Variants in DYNC2H1 observed in about 807,000 individuals in gnomAD.
DYNC2H1 encodes the protein dynein cytoplasmic 2 heavy chain 1.
A neutral mutation model predicts 570.0 loss-of-function variants in DYNC2H1; 410 were observed. That is an observed-to-expected ratio of 0.72 (90% CI 0.66 to 0.78). DYNC2H1 has a LOEUF of 0.78. Ranked by LOEUF, DYNC2H1 falls within the 30% of genes least tolerant of loss-of-function variation. DYNC2H1 has a pLI of 0.00. For missense variants in DYNC2H1, 4,865 were observed against 5,046.4 expected (o/e 0.96, Z 1.09); for synonymous variants, 1,688 against 1,677.6 (o/e 1.01, Z -0.15).
At chr11:103,306,828 A>G (rs1194703219) in intron 77 of DYNC2H1, among the ~76,000 whole-genome samples, 2 of 152,168 alleles carry the variant, frequency 1.3e-5, no homozygotes, top group Non-Finnish European at 2.9e-5. Flanking sequence ...CTTGCTGAGT[A>G]CAAGAAAAAG....
rs1055440108 is a variant in DYNC2H1 at position 103,163,906 on chromosome 11, A to G, written c.4611+759A>G. Among the ~76,000 whole-genome samples the G allele has an allele frequency of 1.2e-4, 19 of 152,146 alleles. No individual in the cohort carries two copies. The highest frequency in any genetic ancestry group is 4.6e-4 in the African/African-American group (19 of 41,434). On this transcript the variant is annotated intron_variant, in intron 30 of 88. Transcript: ENST00000375735. This position sits in a 1 kb window ranked among gnomAD's most constrained non-coding sequence, Gnocchi z 4.6. ...GTAGTGGCTATTGGAACAGGTTTTTATGTTGATTTTCTGTAAGTATGGAAG... is the reference window on the plus strand; with the variant it reads ...GTAGTGGCTATTGGAACAGGTTTTTGTGTTGATTTTCTGTAAGTATGGAAG...
At chr11:103,215,615 A>G (rs1173416707) in intron 54 of DYNC2H1, 106 bp from the exon 55 acceptor site, 8 of 1,150,002 alleles carry the variant, frequency 7.0e-6, no homozygotes, top group Non-Finnish European at 9.3e-6. Context: ...TGTTTTGTAT[A>G]TACACACTTA....
At chr11:103,194,367 C>A (rs1404788502) in intron 47 of DYNC2H1, among the ~76,000 whole-genome samples, 2 of 152,074 alleles carry the variant, frequency 1.3e-5, no homozygotes, top group Non-Finnish European at 2.9e-5. Flanking sequence ...AGGAATGAAG[C>A]TGCTATGAAT....
chr11:103,333,535 G>A (rs1938939365), intron 82 of DYNC2H1, among the ~76,000 whole-genome samples: 1 of 152,088 alleles, frequency 6.6e-6, no homozygotes, highest in Admixed American at 6.6e-5. Context: ...ATGTGTTTTT[G>A]AAAAGGAGGC....
rs935717806 is a variant in DYNC2H1, at chr11:103,244,792, CTATA to C, written c.9919-454_9919-451del. On this transcript the variant is annotated intron_variant, in intron 64 of 88. Transcript: ENST00000375735. The surrounding 1 kb of genome is among the most constrained non-coding windows in gnomAD (Gnocchi z 4.3). ...AGTTATATACATATAAGTACTATAT[CTATA>C]TATAGTCATAGTTATAGACATATAA... Among the ~76,000 whole-genome samples, 16 of 142,150 alleles carry C rather than the reference CTATA, an allele frequency of 1.1e-4. No homozygotes were observed. The highest frequency in any genetic ancestry group is 3.2e-4 in the African/African-American group (11 of 34,602). The allele number at this position is 142,150 out of a possible 152,430, so 93.3% of individuals were successfully genotyped here.
intron 84 of DYNC2H1, among the ~76,000 whole-genome samples, chr11:103,419,179 G>A (rs186396798): frequency 2.6e-5 from 4 of 152,286 alleles, no homozygotes; most frequent in Admixed American, 1.3e-4. Flanking sequence ...CCGTCTCTGC[G>A]ATTTGGTAGA....
At chr11:103,379,357 T>G (rs1941542850) in intron 83 of DYNC2H1, among the ~76,000 whole-genome samples, 2 of 152,228 alleles carry the variant, frequency 1.3e-5, no homozygotes, top group African/African-American at 4.8e-5. Context: ...ATTTTGAGTA[T>G]AAACCAGGGT....
At chr11:103,122,785 A>T in intron 10 of DYNC2H1, 40 bp from the exon 11 acceptor site, 1 of 1,562,980 alleles carries the variant, frequency 6.4e-7, no homozygotes, top group Non-Finnish European at 8.7e-7. Flanking sequence ...ATTTTTTTGG[A>T]ATTTAAATAA....
chr11:103,134,357 C>CA lies in DYNC2H1; in HGVS notation c.2145dup (p.Gln716ThrfsTer26). ...TATGAATATTGATCTGCTTCGGCAG[C>CA]AACAGCGCTGGAAAGATGGATTACA... is the stretch of plus-strand genomic sequence containing the variant. On this transcript the variant is annotated frameshift_variant, in exon 15 of 89. Coordinates refer to ENST00000375735, the MANE Select transcript of DYNC2H1 (RefSeq NM_001377.3). LOFTEE classifies it high-confidence loss of function. 6.2e-7 allele frequency: 1 copy of CA among 1,612,584 alleles called. No homozygotes were observed. Among genetic ancestry groups the CA allele is most frequent in the Non-Finnish European group, 8.5e-7 (1 of 1,179,008 alleles).
intron 32 of DYNC2H1, among the ~76,000 whole-genome samples, chr11:103,169,190 A>G (rs1861464890): frequency 6.6e-6 from 1 of 152,164 alleles, no homozygotes; most frequent in Admixed American, 6.5e-5. Flanking sequence ...GAATTCTCAA[A>G]AATGTACCTT....
At position 103,465,433 on chromosome 11, in the gene DYNC2H1, A is replaced by G. The variant is rs942843586; in HGVS notation, c.12649-3156A>G. On this transcript the variant is annotated intron_variant, in intron 87 of 88. Transcript: ENST00000375735. This position sits in a 1 kb window ranked among gnomAD's most constrained non-coding sequence, Gnocchi z 4.9. ...AATTTTAAAATTTAATGCAATTTCA[A>G]CCAGTATCCCAAAGTGTGTTTTGTT... Among the ~76,000 whole-genome samples the G allele has an allele frequency of 6.6e-6, 1 of 151,514 alleles. No homozygotes were observed. Among genetic ancestry groups the G allele is most frequent in the Non-Finnish European group, 1.5e-5 (1 of 67,924 alleles).
At chr11:103,238,088 G>T (rs1056282112) in intron 63 of DYNC2H1, among the ~76,000 whole-genome samples, 15 of 152,106 alleles carry the variant, frequency 9.9e-5, no homozygotes, top group African/African-American at 3.4e-4. Flanking sequence ...AGGTGTACTA[G>T]ATTTAAAATT....
intron 32 of DYNC2H1, among the ~76,000 whole-genome samples, chr11:103,169,746 A>G (rs1467782620): frequency 6.6e-6 from 1 of 152,208 alleles, no homozygotes; most frequent in Non-Finnish European, 1.5e-5. Context: ...ATATCATAAG[A>G]GTCAAGGAAA....
Position 103,241,839 on chromosome 11 carries a change from A to G in DYNC2H1, c.9820-1854A>G, listed in dbSNP as rs927233502. ...GTCTACTGTGGGTGCAAGTGAAAAC[A>G]AGGTACCTTGTCTGTGGACCATTTT... On this transcript the variant is annotated intron_variant, in intron 63 of 88. Coordinates refer to ENST00000375735, the MANE Select transcript of DYNC2H1 (RefSeq NM_001377.3). This position sits in a 1 kb window ranked among gnomAD's most constrained non-coding sequence, Gnocchi z 5.1. Among the ~76,000 whole-genome samples the G allele has an allele frequency of 2.0e-5, 3 of 151,992 alleles. No individual in the cohort carries two copies. The highest frequency in any genetic ancestry group is 4.4e-5 in the Non-Finnish European group (3 of 68,010).
chr11:103,140,743 T>C (rs1222634997), intron 17 of DYNC2H1, among the ~76,000 whole-genome samples: 1 of 152,224 alleles, frequency 6.6e-6, no homozygotes, highest in Non-Finnish European at 1.5e-5. Context: ...TGAATCTGAA[T>C]GTTGGCCTGC....
At chr11:103,272,329 A>T (rs1281297867) in intron 70 of DYNC2H1, among the ~76,000 whole-genome samples, 1 of 152,190 alleles carries the variant, frequency 6.6e-6, no homozygotes, top group Non-Finnish European at 1.5e-5. Context: ...AGGGACAAAA[A>T]ACCAAACACT....
chr11:103,151,933 G>A lies in DYNC2H1; in HGVS notation c.2947-203G>A, dbSNP rs1860566132. ...AGTGCCTTAGTTGAATTTGTGTATA[G>A]TAAAAAATAACCATCAGAAAGTTTA... On this transcript the variant is annotated intron_variant, in intron 20 of 88. Coordinates refer to ENST00000375735, the MANE Select transcript of DYNC2H1 (RefSeq NM_001377.3). This position sits in a 1 kb window ranked among gnomAD's most constrained non-coding sequence, Gnocchi z 4.6. Among the ~76,000 whole-genome samples, 1 of 151,746 alleles carries A rather than the reference G, an allele frequency of 6.6e-6. No homozygotes were observed. The highest frequency in any genetic ancestry group is 1.5e-5 in the Non-Finnish European group (1 of 67,954).
chr11:103,231,867 T>G (rs1426908716), intron 60 of DYNC2H1, among the ~76,000 whole-genome samples: 1 of 151,964 alleles, frequency 6.6e-6, no homozygotes, highest in African/African-American at 2.4e-5. Context: ...TCTCTGTGTG[T>G]GTGTTTCTCT....
rs1475391630 is a variant in DYNC2H1, at chr11:103,165,994, A to G, written c.4708A>G (p.Lys1570Glu). 2 of 1,535,796 alleles carry G rather than the reference A, an allele frequency of 1.3e-6. No homozygotes were observed. Among genetic ancestry groups the G allele is most frequent in the Non-Finnish European group, 1.8e-6 (2 of 1,140,038 alleles). The change falls in exon 31 of 89, where the codon AAG becomes GAG. Residue 1570 changes from lysine (K) to glutamate (E), a missense_variant. Physicochemically the swap from Lys to Glu is moderately conservative, Grantham distance 56. This residue lies in a region of DYNC2H1 where 1,936 missense variants were observed against 1,962.1 expected (regional missense o/e 0.99). Coordinates refer to ENST00000375735, the MANE Select transcript of DYNC2H1 (RefSeq NM_001377.3). ...LHQIETQLVN[K>E]LEQYTNIDTS... ...TCAGATTGAAACACAACTGGTGAAT[A>G]AGTTAGAGCAATATACTAACATTGA...
Sources: allele counts gnomAD v4.1 joint callset (sites outside exome capture counted in the v4.1 genomes callset), GRCh38; gene constraint gnomAD v4.1.1; regional missense constraint gnomAD v4.1.1; non-coding constraint Gnocchi (gnomAD v3.1); transcripts MANE v1.5; gene names NCBI Gene and HGNC (gene_info 2026-07-23, HGNC 2026-07-21).